The following SLC39A11 variants were observed in gnomAD, a reference collection of about 807,000 sequenced individuals.
SLC39A11 encodes the protein solute carrier family 39 member 11, also known as zinc transporter ZIP11.
Under a neutral mutation model 36.1 loss-of-function variants are expected in SLC39A11, and 33 were observed. That is an observed-to-expected ratio of 0.91 (90% confidence interval 0.69 to 1.22). The LOEUF (loss-of-function observed/expected upper bound fraction) is 1.22. Among genes scored for constraint, SLC39A11 ranks in the 50% most tolerant of loss-of-function variants. The pLI is 0.00. For missense variants in SLC39A11, 432 were observed against 430.3 expected (o/e 1.00, Z -0.03); for synonymous variants, 166 against 170.3 (o/e 0.97, Z 0.20).
At chr17:72,673,400 G>A (rs1305268877) in intron 7 of SLC39A11, among the ~76,000 whole-genome samples, 3 of 152,140 alleles carry the variant, frequency 2.0e-5, no homozygotes, top group Admixed American at 6.5e-5. Flanking sequence ...ACCGTGCCCG[G>A]CCTCTTTCTC....
chr17:72,988,045 G>A (rs942359338), intron 4 of SLC39A11, among the ~76,000 whole-genome samples: 2 of 152,162 alleles, frequency 1.3e-5, no homozygotes, highest in South Asian at 2.1e-4. Flanking sequence ...TCCATGAGAT[G>A]TTTTGACACA....
intron 5 of SLC39A11, among the ~76,000 whole-genome samples, chr17:72,861,086 C>T (rs1196280482): frequency 1.3e-5 from 2 of 152,146 alleles, no homozygotes; most frequent in East Asian, 1.9e-4. Flanking sequence ...ATCTAGTACA[C>T]CTAATCCATT....
At chr17:72,967,956 C>G (rs2087138198) in intron 4 of SLC39A11, among the ~76,000 whole-genome samples, 1 of 152,144 alleles carries the variant, frequency 6.6e-6, no homozygotes, top group Non-Finnish European at 1.5e-5. Flanking sequence ...ACGTGGAGAA[C>G]TAATAGCATT....
chr17:72,979,609 T>C (rs992833722), intron 4 of SLC39A11, among the ~76,000 whole-genome samples: 4 of 152,146 alleles, frequency 2.6e-5, no homozygotes, highest in Non-Finnish European at 2.9e-5. Flanking sequence ...TGGGTCCTGA[T>C]GTGTGAAGCG....
chr17:72,718,466 G>A (rs1200198949), intron 7 of SLC39A11, among the ~76,000 whole-genome samples: 1 of 152,118 alleles, frequency 6.6e-6, no homozygotes, highest in Non-Finnish European at 1.5e-5. Flanking sequence ...TGACAAATTG[G>A]AATTACTATA....
At chr17:72,750,609 C>T (rs1037054554) in intron 6 of SLC39A11, among the ~76,000 whole-genome samples, 5 of 151,948 alleles carry the variant, frequency 3.3e-5, no homozygotes, top group Non-Finnish European at 5.9e-5. Flanking sequence ...ATTTATCACT[C>T]CCCACATGTG....
At chr17:72,968,462 A>T (rs1000445480) in intron 4 of SLC39A11, among the ~76,000 whole-genome samples, 1 of 152,230 alleles carries the variant, frequency 6.6e-6, no homozygotes, top group East Asian at 1.9e-4. Context: ...ATAAGGTCAC[A>T]CAGAAGGAAG....
At position 73,030,589 on chromosome 17, in the gene SLC39A11, C is replaced by T. The variant is rs77405888; in HGVS notation, c.306+967G>A. Among the ~76,000 whole-genome samples, 398 of 152,266 alleles carry T rather than the reference C, an allele frequency of 2.6e-3. 6 individuals are homozygous for T. In the South Asian group the frequency reaches 0.041, roughly 16 times the overall value. ...ATCCAGCAGGAGAAATGGACTTTGA[C>T]CCATTTCTCTCCAGAGAGTTCTCCC... is the stretch of plus-strand genomic sequence containing the variant. On this transcript the variant is annotated intron_variant, in intron 4 of 9. Coordinates refer to ENST00000255559, the MANE Select transcript of SLC39A11 (RefSeq NM_139177.4).
chr17:73,027,186 T>C (rs766995728), intron 4 of SLC39A11, among the ~76,000 whole-genome samples: 9 of 152,174 alleles, frequency 5.9e-5, no homozygotes, highest in Non-Finnish European at 8.8e-5. Flanking sequence ...TAACTTCACA[T>C]AGAAGCACAA....
chr17:72,849,512 C>T, intron 6 of SLC39A11, 122 bp downstream of exon 6: 1 of 979,360 alleles, frequency 1.0e-6, no homozygotes, highest in Non-Finnish European at 1.4e-6. Flanking sequence ...CTGCCACCTT[C>T]ACTCCTCTCC....
intron 6 of SLC39A11, among the ~76,000 whole-genome samples, chr17:72,833,582 G>A (rs912545781): frequency 6.6e-6 from 1 of 152,176 alleles, no homozygotes; most frequent in African/African-American, 2.4e-5. Context: ...TTCATCTGAC[G>A]GTTAACATCC....
At chr17:73,001,399 T>G (rs1478966901) in intron 4 of SLC39A11, among the ~76,000 whole-genome samples, 3 of 113,140 alleles carry the variant, frequency 2.7e-5, no homozygotes, top group Non-Finnish European at 5.0e-5. Context: ...AACATCACAC[T>G]CTGGGGACTG....
intron 3 of SLC39A11, among the ~76,000 whole-genome samples, chr17:73,055,255 G>A (rs1035786577): frequency 2.0e-5 from 3 of 152,034 alleles, no homozygotes; most frequent in Non-Finnish European, 2.9e-5. Flanking sequence ...ATTGGGGTGG[G>A]GCAGAGGGGA....
At chr17:72,889,231 A>G (rs185456097) in intron 5 of SLC39A11, among the ~76,000 whole-genome samples, 6 of 152,134 alleles carry the variant, frequency 3.9e-5, no homozygotes. Context: ...AATATATTAC[A>G]TGGCCAGATG....
chr17:72,834,212 T>C (rs553507045), intron 6 of SLC39A11, among the ~76,000 whole-genome samples: 20 of 152,358 alleles, frequency 1.3e-4, no homozygotes, highest in Middle Eastern at 3.4e-3. Context: ...AAGTATTTGA[T>C]GTGTGGCTAA....
intron 3 of SLC39A11, among the ~76,000 whole-genome samples, chr17:73,046,870 G>C (rs934158419): frequency 1.3e-5 from 2 of 152,078 alleles, no homozygotes; most frequent in Admixed American, 6.5e-5. Context: ...GAGCCCGGGC[G>C]GTTGAGGCTG....
At chr17:72,766,018 C>T (rs1488731537) in intron 6 of SLC39A11, among the ~76,000 whole-genome samples, 2 of 152,132 alleles carry the variant, frequency 1.3e-5, no homozygotes, top group African/African-American at 2.4e-5. Flanking sequence ...CAAAAGTGGC[C>T]GCAAGAGCTT....
At chr17:72,850,913 C>A (rs1181327699) in intron 5 of SLC39A11, among the ~76,000 whole-genome samples, 1 of 152,160 alleles carries the variant, frequency 6.6e-6, no homozygotes, top group South Asian at 2.1e-4. Context: ...AATTCAGACG[C>A]CTGGCTCAGC....
intron 5 of SLC39A11, among the ~76,000 whole-genome samples, chr17:72,911,281 G>A (rs982228666): frequency 6.6e-6 from 1 of 152,044 alleles, no homozygotes; most frequent in African/African-American, 2.4e-5. Context: ...TGGAGGAAGG[G>A]GGGAAGGATA....
Sources: gnomAD v4.1 joint callset for allele counts (sites outside exome capture counted in the v4.1 genomes callset) on GRCh38, gnomAD v4.1.1 for gene constraint, MANE v1.5 for transcripts, NCBI Gene and HGNC (gene_info 2026-07-23, HGNC 2026-07-21) for gene names.